Variants in ACYP2 observed in about 807,000 individuals in gnomAD.
The protein encoded by ACYP2 is acylphosphatase-2.
A neutral mutation model predicts 11.2 loss-of-function variants in ACYP2; 12 were observed. That is an observed-to-expected ratio of 1.08 (90% CI 0.69 to 1.74). The LOEUF is 1.74. Among genes scored for constraint, ACYP2 ranks in the 40% most tolerant of loss-of-function variants. The pLI, the probability that ACYP2 is intolerant of heterozygous loss-of-function variation, is 0.00. For missense variants in ACYP2, 134 were observed against 101.9 expected (o/e 1.31, Z -1.35); for synonymous variants, 43 against 32.2 (o/e 1.33, Z -1.13).
intron 1 of ACYP2, among the ~76,000 whole-genome samples, chr2:53,973,135 T>G (rs1212743596): frequency 1.3e-5 from 2 of 152,128 alleles, no homozygotes; most frequent in African/African-American, 4.8e-5. Flanking sequence ...CTACCTTAGG[T>G]AGCTAACAGG....
chr2:54,054,814 C>T (rs1205861027), intron 3 of ACYP2, among the ~76,000 whole-genome samples: 1 of 152,140 alleles, frequency 6.6e-6, no homozygotes, highest in Non-Finnish European at 1.5e-5. Context: ...ACATATCTCC[C>T]ATTGTTTTCC....
intron 6 of ACYP2, among the ~76,000 whole-genome samples, chr2:54,257,523 G>A (rs1402500290): frequency 6.6e-6 from 1 of 152,174 alleles, no homozygotes; most frequent in Non-Finnish European, 1.5e-5. Context: ...ATTGGCAAGT[G>A]CTGTATCACT....
chr2:54,029,026 A>G (rs1254078951), intron 2 of ACYP2, among the ~76,000 whole-genome samples: 1 of 152,116 alleles, frequency 6.6e-6, no homozygotes, highest in Non-Finnish European at 1.5e-5. Flanking sequence ...TTAGCCAGGT[A>G]TGGTGGTGTT....
chr2:54,135,375 A>G, intron 4 of ACYP2, 78 bp from the exon 2 acceptor site: 1 of 1,405,710 alleles, frequency 7.1e-7, no homozygotes, highest in African/African-American at 1.4e-5. Flanking sequence ...GACCACCTAG[A>G]TAAAAGTTAA....
chr2:54,092,918 CT>C (rs1678311393), intron 4 of ACYP2, among the ~76,000 whole-genome samples: 1 of 152,170 alleles, frequency 6.6e-6, no homozygotes, highest in Non-Finnish European at 1.5e-5. Context: ...AGAGAGTTGG[CT>C]TTCTAAGTTT....
At chr2:53,985,915 T>C (rs1341542819) in intron 2 of ACYP2, among the ~76,000 whole-genome samples, 1 of 151,710 alleles carries the variant, frequency 6.6e-6, no homozygotes, top group African/African-American at 2.4e-5. Context: ...GTGGGAGGAG[T>C]ACTTGAGGTC....
intron 3 of ACYP2, among the ~76,000 whole-genome samples, chr2:54,053,482 AC>A (rs1296192189): frequency 6.6e-6 from 1 of 152,156 alleles, no homozygotes; most frequent in Non-Finnish European, 1.5e-5. Context: ...AGATATCCTG[AC>A]ACAGACACTG....
intron 4 of ACYP2, among the ~76,000 whole-genome samples, chr2:54,083,461 C>T (rs1210347640): frequency 6.6e-6 from 1 of 152,112 alleles, no homozygotes; most frequent in African/African-American, 2.4e-5. Context: ...CCAAAATGTT[C>T]GATTGGGACA....
At chr2:54,065,283 A>G (rs1676689412) in intron 4 of ACYP2, among the ~76,000 whole-genome samples, 2 of 152,066 alleles carry the variant, frequency 1.3e-5, no homozygotes, top group Admixed American at 1.3e-4. Context: ...TAGTCCTTAG[A>G]TTTTTGCTGT....
intron 4 of ACYP2, among the ~76,000 whole-genome samples, chr2:54,127,342 A>G (rs1435207040): frequency 6.6e-6 from 1 of 152,158 alleles, no homozygotes. Context: ...TCAAACAACA[A>G]CACCGTTATA....
intron 4 of ACYP2, among the ~76,000 whole-genome samples, chr2:54,128,470 C>G (rs562249536): frequency 2.4e-4 from 36 of 152,096 alleles, no homozygotes; most frequent in African/African-American, 8.2e-4. Flanking sequence ...AAGTTTGAGA[C>G]TAGCCTGAGC....
intron 2 of ACYP2, among the ~76,000 whole-genome samples, chr2:54,020,122 A>G (rs1019024346): frequency 6.6e-6 from 1 of 151,916 alleles, no homozygotes; most frequent in African/African-American, 2.4e-5. Context: ...TTTTTAGTAG[A>G]GATGGGGTTT....
intron 2 of ACYP2, among the ~76,000 whole-genome samples, chr2:54,017,218 GC>G (rs1394496516): frequency 6.6e-6 from 1 of 151,140 alleles, no homozygotes; most frequent in African/African-American, 2.4e-5. Flanking sequence ...CCTCCTAAAG[GC>G]CCCCTCTCTT....
rs185588224 is a variant in ACYP2, at chr2:54,121,046, G to A, written c.278-14407G>A. 1.4e-4 allele frequency among the ~76,000 whole-genome samples: 21 copies of A among 152,256 alleles called. No homozygotes were observed. In the East Asian group the frequency reaches 2.9e-3, roughly 21 times the overall value. On this transcript the variant is annotated intron_variant, in intron 4 of 6. Coordinates refer to ENST00000607452, the MANE Select transcript of ACYP2 (RefSeq NM_001320586.2). ...AATGGTTTTTTCACTCCTATAGCTC[G>A]GCGAGCATGAGCATATGTTACAGCT...
intron 4 of ACYP2, among the ~76,000 whole-genome samples, chr2:54,076,284 T>C (rs1033458096): frequency 1.3e-5 from 2 of 152,224 alleles, no homozygotes; most frequent in African/African-American, 4.8e-5. Flanking sequence ...TTCAAACTTA[T>C]CTGCATTGTA....
chr2:54,076,607 A>C (rs532832782), intron 4 of ACYP2, among the ~76,000 whole-genome samples: 2 of 152,244 alleles, frequency 1.3e-5, no homozygotes, highest in Non-Finnish European at 2.9e-5. Flanking sequence ...TTTATATAGA[A>C]TATCATTTAG....
chr2:54,247,756 GAAAC>G (rs1443078990), intron 6 of ACYP2, among the ~76,000 whole-genome samples: 1 of 152,146 alleles, frequency 6.6e-6, no homozygotes, highest in African/African-American at 2.4e-5. Context: ...GTTCTACTGT[GAAAC>G]AAAAGATAGT....
chr2:54,166,484 C>G (rs1044853549), intron 6 of ACYP2, among the ~76,000 whole-genome samples: 31 of 152,276 alleles, frequency 2.0e-4, no homozygotes, highest in Admixed American at 1.2e-3. Context: ...AACTTTTGTA[C>G]AAACTGAGAT....
At chr2:54,027,536 T>A (rs1191151423) in intron 2 of ACYP2, among the ~76,000 whole-genome samples, 1 of 152,220 alleles carries the variant, frequency 6.6e-6, no homozygotes, top group East Asian at 1.9e-4. Flanking sequence ...TCTTCTCGTT[T>A]CTGAAAGCTC....
Sources: gnomAD v4.1 joint callset for allele counts (sites outside exome capture counted in the v4.1 genomes callset) on GRCh38, gnomAD v4.1.1 for gene constraint, MANE v1.5 for transcripts, NCBI Gene and HGNC (gene_info 2026-07-23, HGNC 2026-07-21) for gene names.